Variants in WDR25 observed in about 807,000 individuals in gnomAD.
The protein encoded by WDR25 is WD repeat-containing protein 25.
In WDR25, 35 loss-of-function variants were observed where a neutral mutation model predicts 47.7. The ratio of observed to expected loss-of-function variants is 0.73; its 90% CI spans 0.56 to 0.97. The LOEUF is 0.97. Ranked by LOEUF, WDR25 falls within the 50% of genes least tolerant of loss-of-function variation. The probability of loss-of-function intolerance (pLI) is 0.00; values close to 1 mark genes in which losing one functional copy is unlikely to be tolerated. For missense variants in WDR25, 634 were observed against 704.7 expected, an observed-to-expected ratio of 0.90 and a Z score of 1.14; for synonymous variants, 248 against 278.9, an observed-to-expected ratio of 0.89 and a Z score of 1.10.
At chr14:100,520,196 C>A (rs924843973) in intron 4 of WDR25, among the ~76,000 whole-genome samples, 4 of 151,096 alleles carry the variant, frequency 2.6e-5, no homozygotes, top group African/African-American at 9.7e-5. Flanking sequence ...TGATTGTTTC[C>A]ACACTCCTTC....
At chr14:100,455,220 G>A (rs1467763915) in intron 2 of WDR25, 4 of 152,102 alleles carry the variant, frequency 2.6e-5, no homozygotes, top group African/African-American at 9.7e-5. Context: ...GAAGCTACAA[G>A]AAAAACAAGT....
intron 3 of WDR25, among the ~76,000 whole-genome samples, chr14:100,477,821 G>C (rs1416332356): frequency 1.3e-5 from 2 of 152,210 alleles, no homozygotes; most frequent in Admixed American, 6.5e-5. Context: ...GCCGGGCGCC[G>C]TGGCTCACGC....
chr14:100,383,923 G>A (rs768690376), intron 2 of WDR25, among the ~76,000 whole-genome samples: 6 of 152,238 alleles, frequency 3.9e-5, no homozygotes, highest in Non-Finnish European at 5.9e-5. Context: ...CTGAGGGACT[G>A]TGGTAGGAAT....
In WDR25 at chr14:100,450,200, C is replaced by T. The variant is rs146120667; in HGVS notation, c.823-17821C>T. Among the ~76,000 whole-genome samples, 36 of 152,316 alleles carry T rather than the reference C, an allele frequency of 2.4e-4. 1 individual carries two copies. In the East Asian group the frequency reaches 6.4e-3, roughly 27 times the overall value. On this transcript the variant is annotated intron_variant, in intron 2 of 6. Transcript: ENST00000402312. ...TGTCTGCTGAGCCCTGGGTGACCTG[C>T]GTTTTGCCCACTCTTGTTGCTCTCC...
intron 3 of WDR25, among the ~76,000 whole-genome samples, chr14:100,478,123 C>CAAAT (rs1555393700): frequency 6.6e-6 from 1 of 151,522 alleles, no homozygotes; most frequent in Non-Finnish European, 1.5e-5. Flanking sequence ...CAAAAACAAA[C>CAAAT]AAAAAAACCT....
intron 2 of WDR25, among the ~76,000 whole-genome samples, chr14:100,391,622 C>T (rs1897147883): frequency 1.3e-5 from 2 of 149,936 alleles, no homozygotes; most frequent in South Asian, 4.3e-4. Context: ...GCAATGACTG[C>T]AGACTTTTTG....
chr14:100,460,723 A>C (rs1421841583), intron 2 of WDR25, among the ~76,000 whole-genome samples: 1 of 152,192 alleles, frequency 6.6e-6, no homozygotes, highest in African/African-American at 2.4e-5. Context: ...ACCAAAAAAA[A>C]ACATTAGCTC....
At position 100,523,139 on chromosome 14, in the gene WDR25, G is replaced by A. The variant is rs1039821013; in HGVS notation, c.1102-2731G>A. 2.0e-5 allele frequency among the ~76,000 whole-genome samples: 3 copies of A among 152,190 alleles called. No homozygotes were observed. Among genetic ancestry groups the A allele is most frequent in the Non-Finnish European group, 2.9e-5 (2 of 68,036 alleles). ...CTGGATTGCTACTTTTAAAGTAGTCGACCTTTTGTTCATTCACTCATTCAT... is the reference window on the plus strand; with the variant it reads ...CTGGATTGCTACTTTTAAAGTAGTCAACCTTTTGTTCATTCACTCATTCAT... On this transcript the variant is annotated intron_variant, in intron 4 of 6. Coordinates refer to ENST00000402312, the MANE Select transcript of WDR25 (RefSeq NM_001161476.3). The surrounding 1 kb of genome is among the most constrained non-coding windows in gnomAD (Gnocchi z 4.7).
At chr14:100,412,715 G>A (rs1196811498) in intron 2 of WDR25, among the ~76,000 whole-genome samples, 4 of 152,144 alleles carry the variant, frequency 2.6e-5, no homozygotes, top group Admixed American at 6.5e-5. Flanking sequence ...TTAGCAAAGG[G>A]GAGAGTGTTT....
intron 2 of WDR25, among the ~76,000 whole-genome samples, chr14:100,435,581 G>A (rs750588663): frequency 1.3e-5 from 2 of 152,200 alleles, no homozygotes; most frequent in African/African-American, 2.4e-5. Flanking sequence ...GCCCTGGCCT[G>A]GCCTTAACAT....
chr14:100,450,131 A>G (rs1330649070), intron 2 of WDR25, among the ~76,000 whole-genome samples: 1 of 152,134 alleles, frequency 6.6e-6, no homozygotes, highest in Admixed American at 6.5e-5. Context: ...TGCTTAAAAA[A>G]CCATCCATTT....
chr14:100,497,614 T>C (rs191540302), intron 4 of WDR25, among the ~76,000 whole-genome samples: 26 of 152,354 alleles, frequency 1.7e-4, no homozygotes, highest in Admixed American at 8.5e-4. Context: ...AGTTGCTTTT[T>C]GTATTTTGTC....
chr14:100,501,746 T>C (rs948211663), intron 4 of WDR25, among the ~76,000 whole-genome samples: 2 of 152,076 alleles, frequency 1.3e-5, no homozygotes, highest in African/African-American at 4.8e-5. Flanking sequence ...AGCCAGTAAA[T>C]ACCCTCCAAG....
At chr14:100,393,054 C>A (rs149099379) in intron 2 of WDR25, among the ~76,000 whole-genome samples, 1 of 152,350 alleles carries the variant, frequency 6.6e-6, no homozygotes, top group African/African-American at 2.4e-5. Context: ...CCCTTGAAGC[C>A]CCAAGGGGGC....
At chr14:100,414,836 G>A (rs560863130) in intron 2 of WDR25, among the ~76,000 whole-genome samples, 56 of 151,744 alleles carry the variant, frequency 3.7e-4, no homozygotes, top group Middle Eastern at 3.4e-3. Flanking sequence ...CCCGGGAGGC[G>A]GAGCTTGCAG....
In WDR25 at chr14:100,467,966, C is replaced by G; in HGVS notation, c.823-55C>G. On this transcript the variant is annotated intron_variant, in intron 2 of 6. Transcript: ENST00000402312. ...CTTTCTACAGTGGGGTCGAGCTGAG[C>G]CCTGGAGATCAGGCCCTTGTTGTGA... The G allele has an allele frequency of 3.1e-6, 5 of 1,607,746 alleles. No individual in the cohort carries two copies. In the South Asian group the frequency reaches 4.4e-5, roughly 14 times the overall value.
In WDR25 at chr14:100,498,310, C is replaced by T. The variant is rs116242040; in HGVS notation, c.1101+14186C>T. Reference sequence around the variant, plus strand: ...TGAGAGGAGACTGAGGGCCACGTTCCGTAACAAGCGGGCCATTGCCACGCC... The same window carrying T: ...TGAGAGGAGACTGAGGGCCACGTTCTGTAACAAGCGGGCCATTGCCACGCC... On this transcript the variant is annotated intron_variant, in intron 4 of 6. Transcript: ENST00000402312. This position sits in a 1 kb window ranked among gnomAD's most constrained non-coding sequence, Gnocchi z 4.2. Among the ~76,000 whole-genome samples, 162 of 152,262 alleles carry T rather than the reference C, an allele frequency of 1.1e-3. 1 individual carries two copies. The highest frequency in any genetic ancestry group is 3.8e-3 in the African/African-American group (157 of 41,544).
At chr14:100,469,565 C>T (rs960659258) in intron 3 of WDR25, among the ~76,000 whole-genome samples, 4 of 152,126 alleles carry the variant, frequency 2.6e-5, no homozygotes, top group Non-Finnish European at 4.4e-5. Context: ...CCCACCGTGC[C>T]GTGTGTGGCA....
chr14:100,421,158 G>C (rs904227849), intron 2 of WDR25, among the ~76,000 whole-genome samples: 3 of 152,184 alleles, frequency 2.0e-5, no homozygotes, highest in Non-Finnish European at 2.9e-5. Context: ...GGAAGAGTAG[G>C]CATCAGGACT....
Sources: gnomAD v4.1 joint callset for allele counts (sites outside exome capture counted in the v4.1 genomes callset) on GRCh38, gnomAD v4.1.1 for gene constraint, Gnocchi (gnomAD v3.1) non-coding constraint, MANE v1.5 for transcripts, NCBI Gene and HGNC (gene_info 2026-07-23, HGNC 2026-07-21) for gene names.